Variants in RAB8A observed in about 807,000 individuals in gnomAD.
The protein encoded by RAB8A is RAB8A, member RAS oncogene family.
Under a neutral mutation model 29.2 loss-of-function variants are expected in RAB8A, and 5 were observed. That is an observed-to-expected ratio of 0.17 (90% CI 0.09 to 0.36). The LOEUF (loss-of-function observed/expected upper bound fraction) is 0.36, where lower values mean the gene tolerates loss of function less well. RAB8A is among the 10% of genes least tolerant of loss of function. The pLI is 1.00. For missense variants in RAB8A, 171 were observed against 272.2 expected, an observed-to-expected ratio of 0.63 and a Z score of 2.62; for synonymous variants, 108 against 99.9, an observed-to-expected ratio of 1.08 and a Z score of -0.49.
At chr19:16,131,738 T>C (rs888090734) in intron 7 of RAB8A, among the ~76,000 whole-genome samples, 7 of 149,338 alleles carry the variant, frequency 4.7e-5, no homozygotes, top group Admixed American at 6.7e-5. Context: ...GGATGGTTCT[T>C]GGTTGGAAGG....
At chr19:16,126,449 G>A (rs2090901557) in intron 4 of RAB8A, 1 of 152,602 alleles carries the variant, frequency 6.6e-6, no homozygotes, top group African/African-American at 2.4e-5. Context: ...TGGGAAGTGA[G>A]GCAGGGAGTG....
intron 2 of RAB8A, 121 bp from the exon 3 acceptor site, chr19:16,121,629 G>T (rs910271893): frequency 2.4e-6 from 2 of 824,642 alleles, no homozygotes; most frequent in Admixed American, 2.1e-5. Context: ...CTTAGCAGAA[G>T]AAGGTATCAC....
At chr19:16,116,799 C>T (rs1183797276) in intron 1 of RAB8A, among the ~76,000 whole-genome samples, 1 of 151,032 alleles carries the variant, frequency 6.6e-6, no homozygotes, top group Non-Finnish European at 1.5e-5. Flanking sequence ...TGCACCACTG[C>T]ACTCCAGGCT....
At chr19:16,116,483 C>T (rs1255422383) in intron 1 of RAB8A, among the ~76,000 whole-genome samples, 1 of 152,234 alleles carries the variant, frequency 6.6e-6, no homozygotes, top group African/African-American at 2.4e-5. Context: ...CAGAGTTCCA[C>T]AACCATCACC....
In RAB8A at chr19:16,125,072, G is replaced by A. The variant is rs2090892977; in HGVS notation, c.247-398G>A. 1.0e-5 allele frequency: 3 copies of A among 299,244 alleles called. No homozygotes were observed. The highest frequency in any genetic ancestry group is 7.3e-5 in the East Asian group (1 of 13,726). The allele number at this position is 299,244 out of a possible 1,614,324, so 18.5% of individuals were successfully genotyped here. A position where few individuals can be genotyped will look rare whatever the true frequency, so the allele number is the denominator to read the frequency against. Reference sequence around the variant, plus strand: ...GTGAGCAAGGGGTGAAGAGGAGGCCGATTGCAGGGGAGGGTCAGCGTGAGG... The same window carrying A: ...GTGAGCAAGGGGTGAAGAGGAGGCCAATTGCAGGGGAGGGTCAGCGTGAGG... On this transcript the variant is annotated intron_variant, in intron 3 of 7. Transcript: ENST00000300935. The surrounding 1 kb of genome is among the most constrained non-coding windows in gnomAD (Gnocchi z 5.0).
At chr19:16,113,019 T>C (rs991260345) in intron 1 of RAB8A, among the ~76,000 whole-genome samples, 1 of 152,224 alleles carries the variant, frequency 6.6e-6, no homozygotes, top group Admixed American at 6.5e-5. Context: ...AGACTCCAGC[T>C]GTCACTTTAG....
At chr19:16,128,492 T>C (rs3786571) in intron 6 of RAB8A, among the ~76,000 whole-genome samples, 46,191 of 152,120 alleles carry the variant, frequency 0.3, 7,239 homozygotes, top group South Asian at 0.35. Context: ...TGATGGGACC[T>C]GGGCCCATGC....
Position 16,132,258 on chromosome 19 carries a change from C to T in RAB8A, c.578C>T (p.Pro193Leu). 4 of 1,614,034 alleles carry T rather than the reference C, an allele frequency of 2.5e-6. No individual in the cohort carries two copies. The highest frequency in any genetic ancestry group is 3.4e-6 in the Non-Finnish European group (4 of 1,180,014). The change falls in exon 8 of 8, where the codon CCG becomes CTG. Residue 193 changes from proline to leucine, a missense_variant. Pro to Leu is a moderately conservative substitution (Grantham distance 98, BLOSUM62 -3). Coordinates refer to ENST00000300935, the MANE Select transcript of RAB8A (RefSeq NM_005370.5). The surrounding 1 kb of genome is among the most constrained non-coding windows in gnomAD (Gnocchi z 5.6). ...AGCAACCAGGGAGTCAAAATCACAC[C>T]GGACCAGCAGAAGAGGAGCAGCTTT... The part of the protein sequence containing the change: ...QGSNQGVKIT[P>L]DQQKRSSFFR...
intron 1 of RAB8A, among the ~76,000 whole-genome samples, chr19:16,113,235 G>C (rs1371035590): frequency 6.6e-6 from 1 of 152,170 alleles, no homozygotes; most frequent in Admixed American, 6.5e-5. Flanking sequence ...TGGGGAAAGT[G>C]GGGGAACGGT....
At chr19:16,124,468 G>A (rs1355493044) in intron 3 of RAB8A, 1 of 152,322 alleles carries the variant, frequency 6.6e-6, no homozygotes. Context: ...GGAGCAGGTA[G>A]CGAGGAGGAA....
At chr19:16,112,294 G>T in intron 1 of RAB8A, 1 of 472,544 alleles carries the variant, frequency 2.1e-6, no homozygotes, top group Non-Finnish European at 3.9e-6. Context: ...TTGGGCTGGG[G>T]TCTTCGCGCC....
At position 16,132,386 on chromosome 19, in the gene RAB8A, TC is replaced by T; in HGVS notation, c.*85del. 1 of 1,411,782 alleles carries T rather than the reference TC, an allele frequency of 7.1e-7. No homozygotes were observed. Among genetic ancestry groups the T allele is most frequent in the Non-Finnish European group, 9.8e-7 (1 of 1,023,268 alleles). The allele number at this position is 1,411,782 out of a possible 1,614,324, so 87.5% of individuals were successfully genotyped here. A position where few individuals can be genotyped will look rare whatever the true frequency, so the allele number is the denominator to read the frequency against. ...TGAGCCCCTCACTCAGCCGGGGCCC[TC>T]CCACCTCCAACGCCCCGCCCACGCC... On this transcript the variant is annotated 3_prime_UTR_variant, in exon 8 of 8. Coordinates refer to ENST00000300935, the MANE Select transcript of RAB8A (RefSeq NM_005370.5). This position sits in a 1 kb window ranked among gnomAD's most constrained non-coding sequence, Gnocchi z 5.6.
chr19:16,123,613 A>G (rs2090884534), intron 3 of RAB8A: 1 of 152,126 alleles, frequency 6.6e-6, no homozygotes, highest in Non-Finnish European at 1.5e-5. Context: ...TCGCTTAACT[A>G]CTTAATTAAT....
At position 16,121,814 on chromosome 19, in the gene RAB8A, G is replaced by C. The variant is rs747832901; in HGVS notation, c.246+4G>C. On this transcript the variant is annotated splice_donor_region_variant and intron_variant, in intron 3 of 7. Transcript: ENST00000300935. ...GGCCTACTACAGGGGTGCAATGGTA[G>C]GGACTTTTTGTTTGGTTGTTTTTAT... 5.0e-6 allele frequency: 8 copies of C among 1,612,820 alleles called. No homozygotes were observed. Among genetic ancestry groups the C allele is most frequent in the Non-Finnish European group, 6.8e-6 (8 of 1,178,952 alleles).
Position 16,127,357 on chromosome 19 carries a change from TG to T in RAB8A, c.325-76del. 2.1e-6 allele frequency: 2 copies of T among 952,764 alleles called. No individual in the cohort carries two copies. The highest frequency in any genetic ancestry group is 2.9e-6 in the Non-Finnish European group (2 of 682,588). The allele number at this position is 952,764 out of a possible 1,614,324, so 59.0% of individuals were successfully genotyped here. ...GTCCTGACCCCACCGCTCTGATTTC[TG>T]GGGACAGACTGTGTGTTGGCAGAGG... On this transcript the variant is annotated intron_variant, in intron 4 of 7. Transcript: ENST00000300935. This position sits in a 1 kb window ranked among gnomAD's most constrained non-coding sequence, Gnocchi z 4.8.
intron 7 of RAB8A, among the ~76,000 whole-genome samples, chr19:16,130,147 T>G (rs1295103005): frequency 1.4e-5 from 2 of 140,154 alleles, no homozygotes; most frequent in Non-Finnish European, 1.6e-5. Flanking sequence ...TCTCATTCGT[T>G]TCTTGCTTTT....
chr19:16,132,097 G>C lies in RAB8A; in HGVS notation c.532-115G>C. ...GGTTGTTTGGTTGGTTGGTTGGTTG[G>C]TTGGTTGGATGGTTGGATGGATGGT... On this transcript the variant is annotated intron_variant, in intron 7 of 7. Coordinates refer to ENST00000300935, the MANE Select transcript of RAB8A (RefSeq NM_005370.5). This position sits in a 1 kb window ranked among gnomAD's most constrained non-coding sequence, Gnocchi z 5.6. The C allele has an allele frequency of 1.2e-6, 1 of 839,460 alleles. No individual in the cohort carries two copies. The highest frequency in any genetic ancestry group is 2.2e-5 in the Admixed American group (1 of 46,266). The allele number at this position is 839,460 out of a possible 1,614,324, so 52.0% of individuals were successfully genotyped here.
In RAB8A at chr19:16,125,029, G is replaced by A. The variant is rs539688390; in HGVS notation, c.247-441G>A. 7 of 241,536 alleles carry A rather than the reference G, an allele frequency of 2.9e-5. No homozygotes were observed. In the South Asian group the frequency reaches 3.8e-4, roughly 13 times the overall value. The allele number at this position is 241,536 out of a possible 1,614,324, so 15.0% of individuals were successfully genotyped here. ...TGGGCTCAGTTGTGCCTGGTAGGTG[G>A]CTCAGGCAGAGCGTGGGGTGAGCAA... On this transcript the variant is annotated intron_variant, in intron 3 of 7. Coordinates refer to ENST00000300935, the MANE Select transcript of RAB8A (RefSeq NM_005370.5). This position sits in a 1 kb window ranked among gnomAD's most constrained non-coding sequence, Gnocchi z 5.0.
In RAB8A at chr19:16,121,732, C is replaced by T. The variant is rs766283509; in HGVS notation, c.186-18C>T. ...ATTTTCCTTTAATGTTGCTAATATCCCTTCTCTTCATGTTTAGGGACACAG... is the reference window on the plus strand; with the variant it reads ...ATTTTCCTTTAATGTTGCTAATATCTCTTCTCTTCATGTTTAGGGACACAG... On this transcript the variant is annotated intron_variant, in intron 2 of 7. Transcript: ENST00000300935. The T allele has an allele frequency of 1.2e-6, 2 of 1,610,260 alleles. No homozygotes were observed. Among genetic ancestry groups the T allele is most frequent in the Non-Finnish European group, 1.7e-6 (2 of 1,176,644 alleles).
Sources: allele counts gnomAD v4.1 joint callset (sites outside exome capture counted in the v4.1 genomes callset), GRCh38; gene constraint gnomAD v4.1.1; non-coding constraint Gnocchi (gnomAD v3.1); transcripts MANE v1.5; gene names NCBI Gene and HGNC (gene_info 2026-07-23, HGNC 2026-07-21).